Variants in RAP1B observed in about 807,000 individuals in gnomAD.
RAP1B encodes the protein RAP1B, member of RAS oncogene family.
RAP1B carries 1 observed loss-of-function variant against 27.5 expected under a neutral mutation model. The ratio of observed to expected loss-of-function variants is 0.04; its 90% CI spans 0.01 to 0.17. RAP1B has a LOEUF of 0.17. Ranked by LOEUF, RAP1B falls within the 10% of genes least tolerant of loss-of-function variation. RAP1B has a pLI of 1.00. For missense variants in RAP1B, 84 were observed against 214.8 expected (o/e 0.39, Z 3.81); for synonymous variants, 75 against 73.1 (o/e 1.03, Z -0.13).
intron 1 of RAP1B, chr12:68,642,562 G>C (rs571986884): frequency 1.9e-6 from 2 of 1,071,572 alleles, no homozygotes; most frequent in Non-Finnish European, 1.4e-6. Context: ...ACTTTTTCTC[G>C]TCTAATTTGG....
rs148436676 is a variant in RAP1B, at chr12:68,658,328, A to G, written c.*31-952A>G. Among the ~76,000 whole-genome samples, 238 of 152,294 alleles carry G rather than the reference A, an allele frequency of 1.6e-3. 1 individual carries two copies. Among genetic ancestry groups the G allele is most frequent in the African/African-American group, 5.2e-3 (216 of 41,564 alleles). Reference sequence around the variant, plus strand: ...CACATGCCCATTCTTAGCAGCACACATGTGCTTGAGCTCACACACTTCCAT... The same window carrying G: ...CACATGCCCATTCTTAGCAGCACACGTGTGCTTGAGCTCACACACTTCCAT... On this transcript the variant is annotated intron_variant, in intron 7 of 7. Transcript: ENST00000250559.
At chr12:68,658,720 CTGTA>C (rs1874404951) in intron 7 of RAP1B, among the ~76,000 whole-genome samples, 1 of 152,174 alleles carries the variant, frequency 6.6e-6, no homozygotes, top group African/African-American at 2.4e-5. Flanking sequence ...GATTGTAAAT[CTGTA>C]AAACACCATC....
At chr12:68,617,204 A>C (rs1400747929) in intron 1 of RAP1B, among the ~76,000 whole-genome samples, 3 of 152,208 alleles carry the variant, frequency 2.0e-5, no homozygotes, top group African/African-American at 7.2e-5. Context: ...CTATATATAT[A>C]ATCTATTTTT....
At chr12:68,650,251 CA>C in intron 2 of RAP1B, 148 bp from the exon 3 acceptor site, 1 of 612,004 alleles carries the variant, frequency 1.6e-6, no homozygotes, top group Non-Finnish European at 2.5e-6. Flanking sequence ...ATTTTCTTAC[CA>C]AATGTACACA....
At chr12:68,647,498 GACA>G (rs1302958238) in intron 1 of RAP1B, among the ~76,000 whole-genome samples, 1 of 149,162 alleles carries the variant, frequency 6.7e-6, no homozygotes, top group African/African-American at 2.5e-5. Context: ...TGGGATTACA[GACA>G]TGAGCCACCA....
Position 68,667,977 on chromosome 12 carries a change from A to C in RAP1B, c.*8728A>C, listed in dbSNP as rs1204278055. 1 of 152,130 alleles carries C rather than the reference A, an allele frequency of 6.6e-6. No homozygotes were observed. Among genetic ancestry groups the C allele is most frequent in the Admixed American group, 6.6e-5 (1 of 15,254 alleles). 9.4% of individuals were successfully genotyped at this position (152,130 alleles called of 1,614,324 possible). A position where few individuals can be genotyped will look rare whatever the true frequency, so the allele number is the denominator to read the frequency against. On this transcript the variant is annotated 3_prime_UTR_variant, in exon 8 of 8. Coordinates refer to ENST00000250559, the MANE Select transcript of RAP1B (RefSeq NM_001010942.3). ...ATCATTGGCCACTATCATACCACTA[A>C]TTTTATTCCACCAATGCTTTCACAG...
chr12:68,649,409 A>G (rs1189900773), intron 2 of RAP1B: 1 of 152,172 alleles, frequency 6.6e-6, no homozygotes, highest in Non-Finnish European at 1.5e-5. Flanking sequence ...AGCTTATAAA[A>G]AGTCTTCAAA....
chr12:68,637,499 A>C (rs1247659134), intron 1 of RAP1B, among the ~76,000 whole-genome samples: 4 of 145,508 alleles, frequency 2.7e-5, no homozygotes, highest in Non-Finnish European at 4.5e-5. Flanking sequence ...CGGGAGGCTG[A>C]GAGAGGAGAA....
At chr12:68,627,440 A>G (rs1202888374) in intron 1 of RAP1B, 23 of 420,872 alleles carry the variant, frequency 5.5e-5, no homozygotes, top group Non-Finnish European at 9.8e-5. Context: ...TTTACTAATA[A>G]TAGTGTTAGG....
At chr12:68,640,535 G>A (rs1168628909) in intron 1 of RAP1B, among the ~76,000 whole-genome samples, 1 of 152,116 alleles carries the variant, frequency 6.6e-6, no homozygotes, top group Non-Finnish European at 1.5e-5. Context: ...GTTAATGGAA[G>A]GTGTCATTTC....
intron 4 of RAP1B, among the ~76,000 whole-genome samples, chr12:68,652,448 CTG>C (rs1873880595): frequency 6.6e-6 from 1 of 151,840 alleles, no homozygotes; most frequent in East Asian, 1.9e-4. Flanking sequence ...GAGCGAGACT[CTG>C]TGTCAAAAAA....
intron 3 of RAP1B, among the ~76,000 whole-genome samples, chr12:68,651,350 T>A (rs1047115478): frequency 6.6e-6 from 1 of 152,166 alleles, no homozygotes; most frequent in African/African-American, 2.4e-5. Flanking sequence ...AAATACTGTG[T>A]TTCCATTCCT....
intron 1 of RAP1B, among the ~76,000 whole-genome samples, chr12:68,633,534 T>A (rs889655372): frequency 1.3e-5 from 2 of 152,166 alleles, no homozygotes; most frequent in African/African-American, 4.8e-5. Context: ...TCACATTTGC[T>A]TTTCCTCAGA....
intron 1 of RAP1B, among the ~76,000 whole-genome samples, chr12:68,635,925 C>G (rs1872602026): frequency 6.6e-6 from 1 of 152,072 alleles, no homozygotes; most frequent in African/African-American, 2.4e-5. Flanking sequence ...GTAGCCCAGG[C>G]TTGAGTGCAG....
At chr12:68,614,803 T>C (rs1020587831) in intron 1 of RAP1B, among the ~76,000 whole-genome samples, 3 of 152,244 alleles carry the variant, frequency 2.0e-5, no homozygotes, top group Admixed American at 2.0e-4. Context: ...GCTAGTGTTT[T>C]TCTGTGTTCA....
chr12:68,633,025 C>T (rs1374521246), intron 1 of RAP1B, among the ~76,000 whole-genome samples: 4 of 152,088 alleles, frequency 2.6e-5, no homozygotes, highest in East Asian at 3.8e-4. Flanking sequence ...CTATTCACTG[C>T]GTGTTTTATT....
intron 1 of RAP1B, among the ~76,000 whole-genome samples, chr12:68,626,520 T>A (rs1871793829): frequency 6.6e-6 from 1 of 152,186 alleles, no homozygotes; most frequent in African/African-American, 2.4e-5. Context: ...CAGTCATCCC[T>A]TTGGAGGTAG....
chr12:68,648,562 C>T (rs1873584616), intron 1 of RAP1B, 137 bp from the exon 2 acceptor site: 2 of 668,222 alleles, frequency 3.0e-6, no homozygotes, highest in Admixed American at 6.1e-5. Context: ...AATAAGTCTG[C>T]TTATAGGGTG....
chr12:68,632,129 G>GTTTTTTTTTGTT (rs1872288247), intron 1 of RAP1B, among the ~76,000 whole-genome samples: 34 of 104,368 alleles, frequency 3.3e-4, no homozygotes, highest in African/African-American at 1.4e-3. Flanking sequence ...TTTTGGATTT[G>GTTTTTTTTTGTT]TTTTTTTTTT....
Sources: allele counts gnomAD v4.1 joint callset (sites outside exome capture counted in the v4.1 genomes callset), GRCh38; gene constraint gnomAD v4.1.1; transcripts MANE v1.5; gene names NCBI Gene and HGNC (gene_info 2026-07-23, HGNC 2026-07-21).